Variants in STAB2 observed in about 807,000 individuals in gnomAD.
STAB2 encodes the protein stabilin 2, also known as stabilin-2.
A neutral mutation model predicts 338.1 loss-of-function variants in STAB2; 288 were observed. The ratio of observed to expected loss-of-function variants is 0.85; its 90% CI spans 0.77 to 0.94. The LOEUF is 0.94. Among genes scored for constraint, STAB2 ranks in the 40% least tolerant of loss-of-function variants. The pLI, the probability that STAB2 is intolerant of heterozygous loss-of-function variation, is 0.00. For synonymous variants in STAB2, 1,202 were observed against 1,193.3 expected (o/e 1.01, Z -0.15); for missense variants, 3,141 against 3,210.1 (o/e 0.98, Z 0.52).
rs779737558 is a variant in STAB2, at chr12:103,662,960, C to T, written c.1984C>T (p.Pro662Ser). 6.2e-6 allele frequency: 10 copies of T among 1,614,010 alleles called. No homozygotes were observed. The South Asian group carries it at 1.1e-4, about 18-fold the overall frequency. Residue 662 changes from proline (P) to serine (S), a missense_variant, in exon 18 of 69, where the codon CCC becomes TCC. By Grantham distance (74) the Pro-to-Ser change is moderately conservative. Coordinates refer to ENST00000388887, the MANE Select transcript of STAB2 (RefSeq NM_017564.10). ...TCCTCCCTCCATTGTCCCGATTCTG[C>T]CCCATCGATGTGATGAAACAAAGAG... ...LIPPSIVPIL[P>S]HRCDETKREM...
At position 103,669,595 on chromosome 12, in the gene STAB2, G is replaced by A. The variant is rs1875537281; in HGVS notation, c.2227G>A (p.Gly743Ser). ...ACCTGACTGCAACCAGTGTCCAGGA[G>A]GCTTCTCAAATCCATGCTCAGGAAA... ...YGPDCNQCPG[G>S]FSNPCSGNGQ... is the part of the protein sequence containing the mutation. Residue 743 changes from glycine to serine, a missense_variant, in exon 21 of 69, where the codon GGC becomes AGC. Gly to Ser is a moderately conservative substitution (Grantham distance 56). Coordinates refer to ENST00000388887, the MANE Select transcript of STAB2 (RefSeq NM_017564.10). 1 of 1,614,210 alleles carries A rather than the reference G, an allele frequency of 6.2e-7. No homozygotes were observed. The highest frequency in any genetic ancestry group is 8.5e-7 in the Non-Finnish European group (1 of 1,180,044).
At chr12:103,608,612 A>G (rs1188248393) in intron 3 of STAB2, among the ~76,000 whole-genome samples, 1 of 152,158 alleles carries the variant, frequency 6.6e-6, no homozygotes, top group Non-Finnish European at 1.5e-5. Context: ...GTAGATTGCA[A>G]AAATGTTCTC....
At chr12:103,620,442 T>C in intron 3 of STAB2, 26 bp from the exon 4 acceptor site, 2 of 1,556,338 alleles carry the variant, frequency 1.3e-6, no homozygotes, top group Non-Finnish European at 8.7e-7. Flanking sequence ...CACGAATGAA[T>C]ACATCTGAGC....
intron 60 of STAB2, among the ~76,000 whole-genome samples, chr12:103,751,455 T>C (rs1883644337): frequency 6.6e-6 from 1 of 152,164 alleles, no homozygotes; most frequent in Non-Finnish European, 1.5e-5. Flanking sequence ...ACATAAAGTT[T>C]CCATCCTGAG....
At chr12:103,705,831 C>T (rs757371683) in intron 37 of STAB2, 104 bp downstream of exon 37, 113 of 1,039,582 alleles carry the variant, frequency 1.1e-4, no homozygotes, top group Non-Finnish European at 1.4e-4. Context: ...TTTCTGCCAT[C>T]TCCTCTTCCT....
At chr12:103,656,666 A>C (rs888364049) in intron 15 of STAB2, among the ~76,000 whole-genome samples, 3 of 149,762 alleles carry the variant, frequency 2.0e-5, no homozygotes, top group Admixed American at 6.8e-5. Context: ...CTTGCTGTCA[A>C]AAAACTTAGG....
At chr12:103,724,410 G>A (rs528145119) in intron 44 of STAB2, among the ~76,000 whole-genome samples, 1 of 152,278 alleles carries the variant, frequency 6.6e-6, no homozygotes, top group South Asian at 2.1e-4. Context: ...GTGAGGAAGG[G>A]GCCTATGGGG....
At chr12:103,755,159 A>G in intron 61 of STAB2, 143 bp from the exon 62 acceptor site, 1 of 1,121,822 alleles carries the variant, frequency 8.9e-7, no homozygotes, top group Non-Finnish European at 1.3e-6. Context: ...ATGACCACCT[A>G]CTGTGTGCCA....
At position 103,731,626 on chromosome 12, in the gene STAB2, C is replaced by T. The variant is rs775970909; in HGVS notation, c.5274C>T (p.Asn1758=). ...ATNNGYIKFS[N]LIQDSGLLSV... ...ACAATGGCTACATCAAATTTAGCAA[C>T]TTAATACAGGTAAAAATTTAGGGGA... Residue 1758 remains asparagine (N), a synonymous_variant, in exon 50 of 69, where the codon AAC becomes AAT. Coordinates refer to ENST00000388887, the MANE Select transcript of STAB2 (RefSeq NM_017564.10). 1.6e-4 allele frequency: 266 copies of T among 1,612,778 alleles called. No individual in the cohort carries two copies. Among genetic ancestry groups the T allele is most frequent in the Non-Finnish European group, 2.0e-4 (238 of 1,179,766 alleles).
chr12:103,745,370 C>T (rs914894080), intron 57 of STAB2, 93 bp downstream of exon 57: 27 of 1,172,482 alleles, frequency 2.3e-5, no homozygotes, highest in Non-Finnish European at 2.9e-5. Context: ...TGAGTGACAT[C>T]TGAAAAAAGT....
intron 45 of STAB2, among the ~76,000 whole-genome samples, chr12:103,725,883 G>C (rs1428605697): frequency 1.3e-5 from 2 of 152,078 alleles, no homozygotes; most frequent in Non-Finnish European, 2.9e-5. Context: ...TCTGGAAATG[G>C]CTGAACCTTT....
intron 3 of STAB2, among the ~76,000 whole-genome samples, chr12:103,601,971 A>C (rs1399441128): frequency 6.6e-6 from 1 of 152,174 alleles, no homozygotes. Flanking sequence ...ATTTTTTAAA[A>C]TTTATTATCA....
At chr12:103,761,882 A>C (rs1426218083) in intron 66 of STAB2, among the ~76,000 whole-genome samples, 1 of 152,204 alleles carries the variant, frequency 6.6e-6, no homozygotes, top group Admixed American at 6.5e-5. Context: ...GGTGGTTGTT[A>C]GTATTCTTTT....
chr12:103,705,675 G>T lies in STAB2; in HGVS notation c.3944G>T (p.Gly1315Val), dbSNP rs1350759212. 6.8e-6 allele frequency: 11 copies of T among 1,614,100 alleles called. No individual in the cohort carries two copies. Among genetic ancestry groups the T allele is most frequent in the Non-Finnish European group, 9.3e-6 (11 of 1,180,036 alleles). Residue 1315 changes from glycine (G) to valine (V), a missense_variant, in exon 37 of 69, where the codon GGA becomes GTA. Coordinates refer to ENST00000388887, the MANE Select transcript of STAB2 (RefSeq NM_017564.10). ...RRCIYTSYFM[G>V]RRTLFIGCQP... ...TGCATCTATACCTCCTATTTCATGG[G>T]AAGACGAACCCTGTTTATTGGGTGC...
At chr12:103,723,180 G>A (rs1345738335) in intron 44 of STAB2, among the ~76,000 whole-genome samples, 1 of 152,160 alleles carries the variant, frequency 6.6e-6, no homozygotes, top group African/African-American at 2.4e-5. Flanking sequence ...GGAGTGGAAT[G>A]TCATCTGTAT....
At chr12:103,602,567 T>C (rs2100980) in intron 3 of STAB2, among the ~76,000 whole-genome samples, 48,940 of 152,166 alleles carry the variant, frequency 0.32, 10,040 homozygotes, top group African/African-American at 0.58. Context: ...AAAGTATCTA[T>C]ATTATTTTTC....
At chr12:103,644,928 A>G (rs1873223017) in intron 9 of STAB2, among the ~76,000 whole-genome samples, 1 of 152,228 alleles carries the variant, frequency 6.6e-6, no homozygotes, top group African/African-American at 2.4e-5. Context: ...CCATAAATGT[A>G]TACACCTACT....
At chr12:103,755,162 G>T in intron 61 of STAB2, 140 bp from the exon 62 acceptor site, 1 of 1,159,646 alleles carries the variant, frequency 8.6e-7, no homozygotes, top group Admixed American at 2.1e-5. Context: ...ACCACCTACT[G>T]TGTGCCAGGC....
chr12:103,736,418 G>T (rs935761540), intron 52 of STAB2, among the ~76,000 whole-genome samples: 68 of 152,248 alleles, frequency 4.5e-4, no homozygotes, highest in Admixed American at 1.4e-3. Flanking sequence ...GTATCCCTTT[G>T]GTATTTGAAT....
Sources: allele counts gnomAD v4.1 joint callset (sites outside exome capture counted in the v4.1 genomes callset), GRCh38; gene constraint gnomAD v4.1.1; transcripts MANE v1.5; gene names NCBI Gene and HGNC (gene_info 2026-07-23, HGNC 2026-07-21).